Variants in SORCS2 observed in about 807,000 individuals in gnomAD.
SORCS2 encodes VPS10 domain-containing receptor SorCS2.
SORCS2 carries 100 observed loss-of-function variants against 141.6 expected under a neutral mutation model. The ratio of observed to expected loss-of-function variants is 0.71; its 90% CI spans 0.60 to 0.83. The LOEUF (loss-of-function observed/expected upper bound fraction) is 0.83. Among genes scored for constraint, SORCS2 ranks in the 40% least tolerant of loss-of-function variants. The pLI is 0.00. For synonymous variants in SORCS2, 789 were observed against 676.9 expected (o/e 1.17, Z -2.57); for missense variants, 1,646 against 1,560.2 (o/e 1.05, Z -0.93).
chr4:7,482,859 G>A lies in SORCS2; in HGVS notation c.549-48671G>A, dbSNP rs142681101. Among the ~76,000 whole-genome samples, 938 of 151,356 alleles carry A rather than the reference G, an allele frequency of 6.2e-3. 13 individuals carry two copies. Among genetic ancestry groups the A allele is most frequent in the African/African-American group, 0.022 (893 of 40,670 alleles). On this transcript the variant is annotated intron_variant, in intron 2 of 26. Coordinates refer to ENST00000507866, the MANE Select transcript of SORCS2 (RefSeq NM_020777.3). ...CTGTTCAGACCTGTATCCCCGCCGC[G>A]GACACCCCTGGCTGCTGTGGTGGGC...
intron 5 of SORCS2, among the ~76,000 whole-genome samples, chr4:7,658,625 A>G (rs973079450): frequency 2.0e-5 from 3 of 152,208 alleles, no homozygotes; most frequent in Middle Eastern, 3.2e-3. Flanking sequence ...TGAAATCTCA[A>G]TAGACTACAG....
intron 1 of SORCS2, among the ~76,000 whole-genome samples, chr4:7,390,912 T>A (rs1390902442): frequency 6.6e-6 from 1 of 152,154 alleles, no homozygotes; most frequent in Non-Finnish European, 1.5e-5. Flanking sequence ...ACTCCTCCAA[T>A]TGACAGGTGG....
intron 3 of SORCS2, among the ~76,000 whole-genome samples, chr4:7,557,370 G>A (rs765690132): frequency 7.2e-5 from 11 of 152,132 alleles, no homozygotes; most frequent in Non-Finnish European, 1.2e-4. Flanking sequence ...CTGTAAATTG[G>A]GGTTGGTGAC....
chr4:7,333,854 G>A (rs752142898), intron 1 of SORCS2, among the ~76,000 whole-genome samples: 20 of 152,210 alleles, frequency 1.3e-4, no homozygotes, highest in Non-Finnish European at 2.8e-4. Context: ...CAGGGAAGCC[G>A]CATTTCTCCA....
intron 1 of SORCS2, among the ~76,000 whole-genome samples, chr4:7,297,212 T>C (rs542080398): frequency 1.3e-5 from 2 of 152,254 alleles, no homozygotes; most frequent in East Asian, 1.9e-4. Flanking sequence ...CCAGAGGCCC[T>C]GTCTGAGTCA....
intron 3 of SORCS2, among the ~76,000 whole-genome samples, chr4:7,620,036 TC>T (rs1719057236): frequency 6.7e-6 from 1 of 150,022 alleles, no homozygotes; most frequent in South Asian, 2.1e-4. Flanking sequence ...TCCTCCTCCT[TC>T]CTCCTCCTCC....
intron 2 of SORCS2, among the ~76,000 whole-genome samples, chr4:7,399,944 C>T (rs946223974): frequency 6.6e-6 from 1 of 152,136 alleles, no homozygotes. Flanking sequence ...GCAAGGGACA[C>T]ATGGTCAGAT....
At chr4:7,693,810 C>A (rs1287493592) in intron 11 of SORCS2, among the ~76,000 whole-genome samples, 1 of 152,256 alleles carries the variant, frequency 6.6e-6, no homozygotes, top group East Asian at 1.9e-4. Context: ...GCGACTCGGC[C>A]AGTCAAGGGC....
At chr4:7,339,100 G>A (rs1364561461) in intron 1 of SORCS2, among the ~76,000 whole-genome samples, 1 of 152,232 alleles carries the variant, frequency 6.6e-6, no homozygotes, top group Non-Finnish European at 1.5e-5. Context: ...TTTCGCCGTG[G>A]CCTGGATGTG....
chr4:7,427,117 T>C (rs2109210097), intron 2 of SORCS2, among the ~76,000 whole-genome samples: 1 of 152,072 alleles, frequency 6.6e-6, no homozygotes, highest in Admixed American at 6.5e-5. Flanking sequence ...GTTTGAGAGG[T>C]GCTGGGGAGA....
At chr4:7,398,127 G>A (rs936816449) in intron 2 of SORCS2, among the ~76,000 whole-genome samples, 54 of 152,306 alleles carry the variant, frequency 3.5e-4, no homozygotes, top group Non-Finnish European at 5.0e-4. Flanking sequence ...CGGAGTTGCC[G>A]GCTTAGTTTA....
In SORCS2 at chr4:7,703,351, C is replaced by T; in HGVS notation, c.1740C>T (p.Ser580=). The T allele has an allele frequency of 6.2e-7, 1 of 1,613,310 alleles. No individual in the cohort carries two copies. Among genetic ancestry groups the T allele is most frequent in the South Asian group, 1.1e-5 (1 of 90,896 alleles). The change falls in exon 13 of 27, where the codon TCC becomes TCT. Residue 580 remains serine (S), a synonymous_variant. Transcript: ENST00000507866. ...GGVIVAIKDT[S]IPLKILKFSV... is the part of the protein sequence containing the mutation. ...TGATCGTGGCCATCAAAGACACCTCCATCCCTTTGAAGATCCTCAAGTAAT... is the reference window on the plus strand; with the variant it reads ...TGATCGTGGCCATCAAAGACACCTCTATCCCTTTGAAGATCCTCAAGTAAT...
chr4:7,602,324 C>T (rs538736342), intron 3 of SORCS2, among the ~76,000 whole-genome samples: 10 of 151,874 alleles, frequency 6.6e-5, no homozygotes, highest in African/African-American at 1.9e-4. Context: ...CTGGAGGGGG[C>T]GGCTGCTGGG....
In SORCS2 at chr4:7,664,325, C is replaced by G. The variant is rs759845628; in HGVS notation, c.953-28C>G. ...TCTCTGGCTCCGGCTGGAGTCTGACCGCCTGGGTCGGCGCCTCTCTCCTGT... is the reference window on the plus strand; with the variant it reads ...TCTCTGGCTCCGGCTGGAGTCTGACGGCCTGGGTCGGCGCCTCTCTCCTGT... On this transcript the variant is annotated intron_variant, in intron 6 of 26. Transcript: ENST00000507866. The surrounding 1 kb of genome is among the most constrained non-coding windows in gnomAD (Gnocchi z 4.7). 4.4e-6 allele frequency: 7 copies of G among 1,592,730 alleles called. No homozygotes were observed. In the Admixed American group the frequency reaches 1.0e-4, roughly 23 times the overall value.
chr4:7,542,729 C>T (rs1712779664), intron 3 of SORCS2, among the ~76,000 whole-genome samples: 2 of 152,208 alleles, frequency 1.3e-5, no homozygotes, highest in Non-Finnish European at 2.9e-5. Flanking sequence ...GAGTCGCTCA[C>T]GTGATCCTCA....
intron 2 of SORCS2, among the ~76,000 whole-genome samples, chr4:7,459,104 G>T (rs993459427): frequency 2.6e-5 from 4 of 152,038 alleles, no homozygotes; most frequent in Non-Finnish European, 5.9e-5. Context: ...TTCTGTGTGC[G>T]CAAAGGTGTG....
intron 3 of SORCS2, among the ~76,000 whole-genome samples, chr4:7,637,581 C>CATGA (rs776680911): frequency 2.6e-5 from 4 of 152,220 alleles, no homozygotes; most frequent in Non-Finnish European, 4.4e-5. Flanking sequence ...CCCCGCACTC[C>CATGA]ATGAATGAAT....
intron 3 of SORCS2, among the ~76,000 whole-genome samples, chr4:7,607,080 T>G (rs941540918): frequency 6.6e-6 from 1 of 152,214 alleles, no homozygotes; most frequent in African/African-American, 2.4e-5. Flanking sequence ...CTGCCATCTC[T>G]TTGCCGACAT....
chr4:7,279,195 A>G (rs1293788081), intron 1 of SORCS2, among the ~76,000 whole-genome samples: 1 of 152,200 alleles, frequency 6.6e-6, no homozygotes, highest in Non-Finnish European at 1.5e-5. Context: ...GGTGGTTCAA[A>G]AAGAGGAATT....
Sources: allele counts gnomAD v4.1 joint callset (sites outside exome capture counted in the v4.1 genomes callset), GRCh38; gene constraint gnomAD v4.1.1; non-coding constraint Gnocchi (gnomAD v3.1); transcripts MANE v1.5; gene names NCBI Gene and HGNC (gene_info 2026-07-23, HGNC 2026-07-21).